Variants in ATRX observed in about 807,000 individuals in gnomAD.
ATRX encodes the protein chromatin remodeler ATRX.
Under a neutral mutation model 172.6 loss-of-function variants are expected in ATRX, and 12 were observed. That is an observed-to-expected ratio of 0.07 (90% CI 0.04 to 0.11). The LOEUF (loss-of-function observed/expected upper bound fraction) is 0.11, where lower values mean the gene tolerates loss of function less well. Among genes scored for constraint, ATRX ranks in the 10% least tolerant of loss-of-function variants. The pLI, the probability that ATRX is intolerant of heterozygous loss-of-function variation, is 1.00. For synonymous variants in ATRX, 674 were observed against 594.7 expected (o/e 1.13, Z -1.94); for missense variants, 1,368 against 1,767.4 (o/e 0.77, Z 4.05).
intron 15 of ATRX, among the ~76,000 whole-genome samples, chrX:77,646,264 T>C (rs146349071): frequency 1.4e-3 from 157 of 111,467 alleles, no homozygotes; most frequent in African/African-American, 5.0e-3. Context: ...AGTGAAAGAA[T>C]AGTAAAAGAC....
At chrX:77,706,055 T>C (rs1182230447) in intron 2 of ATRX, among the ~76,000 whole-genome samples, 1 of 109,542 alleles carries the variant, frequency 9.1e-6, no homozygotes, top group Non-Finnish European at 1.9e-5. Context: ...GGTACAATCA[T>C]GGCTCACTGC....
intron 1 of ATRX, among the ~76,000 whole-genome samples, chrX:77,741,586 C>T (rs1418185143): frequency 9.0e-6 from 1 of 111,122 alleles, no homozygotes; most frequent in Non-Finnish European, 1.9e-5. Flanking sequence ...CACAGCCTCT[C>T]AAGTAGCTGG....
chrX:77,634,220 C>T (rs1301559500), intron 17 of ATRX, among the ~76,000 whole-genome samples: 2 of 64,063 alleles, frequency 3.1e-5, no homozygotes, highest in Non-Finnish European at 5.6e-5. Context: ...CATCATAAAC[C>T]GTTAAAAGTT....
At chrX:77,692,854 T>A (rs868926155) in intron 6 of ATRX, among the ~76,000 whole-genome samples, 1 of 101,921 alleles carries the variant, frequency 9.8e-6, no homozygotes, top group Non-Finnish European at 2.0e-5. Context: ...AGAGTGTGTG[T>A]GTGTGTGTGT....
intron 27 of ATRX, among the ~76,000 whole-genome samples, chrX:77,581,091 G>A (rs782707072): frequency 1.8e-5 from 2 of 111,034 alleles, no homozygotes; most frequent in East Asian, 2.8e-4. Context: ...CAAAAAGGAA[G>A]AAACTAAACC....
chrX:77,713,063 C>T (rs929533654), intron 2 of ATRX, among the ~76,000 whole-genome samples: 4 of 110,333 alleles, frequency 3.6e-5, no homozygotes, highest in African/African-American at 1.3e-4. Flanking sequence ...GCAGGAGAAT[C>T]GCTTGAACCT....
intron 30 of ATRX, among the ~76,000 whole-genome samples, chrX:77,554,843 T>C (rs1450880041): frequency 8.9e-6 from 1 of 112,380 alleles, no homozygotes; most frequent in Non-Finnish European, 1.9e-5. Flanking sequence ...GATTATCAGC[T>C]CCTTCAGGTA....
chrX:77,556,366 GGA>G (rs1179867865), intron 30 of ATRX, among the ~76,000 whole-genome samples: 3 of 63,431 alleles, frequency 4.7e-5, no homozygotes, highest in Non-Finnish European at 9.0e-5. Flanking sequence ...AGAGGGAGAG[GGA>G]GAGAGGGGAA....
chrX:77,652,902 A>T (rs2069332090), intron 14 of ATRX, among the ~76,000 whole-genome samples: 1 of 109,812 alleles, frequency 9.1e-6, no homozygotes, highest in Admixed American at 9.8e-5. Flanking sequence ...TCAAAAGAAG[A>T]TATAAGCATA....
At chrX:77,599,357 A>G in intron 25 of ATRX, 54 bp downstream of exon 25, 2 of 1,182,011 alleles carry the variant, frequency 1.7e-6, no homozygotes, top group Non-Finnish European at 1.2e-6. Flanking sequence ...GACTAACGAC[A>G]TGACATTTTC....
rs2076387931 is a variant in ATRX, at chrX:77,777,217, AAAAAAAT to A, written c.20+8758_20+8764del. 5.0e-5 allele frequency among the ~76,000 whole-genome samples: 5 copies of A among 100,958 alleles called. No homozygotes were observed. In the South Asian group the frequency reaches 2.3e-3, roughly 47 times the overall value. The allele number at this position is 100,958 out of a possible 115,157, so 87.7% of individuals were successfully genotyped here. On this transcript the variant is annotated intron_variant, in intron 1 of 34. Coordinates refer to ENST00000373344, the MANE Select transcript of ATRX (RefSeq NM_000489.6). ...AAAAAAAAAAAAAAAAAAAAAAAAAAAAAAAATACAAAAATCAGCCAGGCGTGGTGGC... is the reference window on the plus strand; with the variant it reads ...AAAAAAAAAAAAAAAAAAAAAAAAAAACAAAAATCAGCCAGGCGTGGTGGC...
intron 27 of ATRX, among the ~76,000 whole-genome samples, chrX:77,586,166 GATAA>G (rs1215429365): frequency 4.5e-5 from 5 of 112,154 alleles, no homozygotes; most frequent in Middle Eastern, 4.6e-3. Flanking sequence ...TATCACAAAG[GATAA>G]ATGTTTGAGG....
intron 6 of ATRX, among the ~76,000 whole-genome samples, chrX:77,689,207 T>G (rs1422773327): frequency 8.9e-6 from 1 of 112,079 alleles, no homozygotes; most frequent in African/African-American, 3.2e-5. Flanking sequence ...CATAAAAAGT[T>G]CTAAAACTAG....
At chrX:77,645,862 A>T (rs782485445) in intron 15 of ATRX, among the ~76,000 whole-genome samples, 1 of 112,297 alleles carries the variant, frequency 8.9e-6, no homozygotes, top group African/African-American at 3.2e-5. Flanking sequence ...GAATTTTTGT[A>T]TGCAACTGAA....
chrX:77,599,106 G>C (rs1557085473), intron 25 of ATRX, among the ~76,000 whole-genome samples: 1 of 111,749 alleles, frequency 8.9e-6, no homozygotes, highest in African/African-American at 3.2e-5. Context: ...TACATTGCAA[G>C]CCTGCTCAAG....
intron 22 of ATRX, among the ~76,000 whole-genome samples, chrX:77,609,780 A>T (rs782780783): frequency 8.9e-6 from 1 of 111,970 alleles, no homozygotes; most frequent in Admixed American, 9.5e-5. Flanking sequence ...CCCGTCCAGG[A>T]GCTAAAATTT....
In ATRX at chrX:77,683,087, C is replaced by G. The variant is rs61752456; in HGVS notation, c.2169G>C (p.Glu723Asp). The change falls in exon 9 of 35, where the codon GAG (glutamate) becomes GAC (aspartate). Residue 723 changes from glutamate to aspartate, a missense_variant. Coordinates refer to ENST00000373344, the MANE Select transcript of ATRX (RefSeq NM_000489.6). ...CAGAATCTGAATTTTGATCCACAGTCTCTGATTGCTTAGATTTTGGCAATT... is the reference window on the plus strand; with the variant it reads ...CAGAATCTGAATTTTGATCCACAGTGTCTGATTGCTTAGATTTTGGCAATT... Reference protein sequence around the residue: ...PNKLPKSKQSETVDQNSDSDE... With the variant: ...PNKLPKSKQSDTVDQNSDSDE... The G allele has an allele frequency of 5.3e-4, 635 of 1,208,785 alleles. 2 individuals are homozygous for G. Among genetic ancestry groups the G allele is most frequent in the Non-Finnish European group, 6.6e-4 (592 of 894,576 alleles).
At position 77,682,963 on chromosome X, in the gene ATRX, A is replaced by G. The variant is rs2071326352; in HGVS notation, c.2293T>C (p.Tyr765His). Reference sequence around the variant, plus strand: ...TTCCCCGCCTGAGTCTTTAAATCATACAAAGTCTTATGGTTTGTATGAATT... The same window carrying G: ...TTCCCCGCCTGAGTCTTTAAATCATGCAAAGTCTTATGGTTTGTATGAATT... ...NEIHTNHKTL[Y>H]DLKTQAGKDD... Residue 765 changes from tyrosine to histidine, a missense_variant, in exon 9 of 35, where the codon TAT becomes CAT. This residue lies in a region of ATRX where 843 missense variants were observed against 643.1 expected (regional missense o/e 1.31). Transcript: ENST00000373344. The G allele has an allele frequency of 8.3e-7, 1 of 1,210,647 alleles. No individual in the cohort carries two copies.
intron 1 of ATRX, among the ~76,000 whole-genome samples, chrX:77,744,032 G>C (rs2074974234): frequency 8.9e-6 from 1 of 112,673 alleles, no homozygotes; most frequent in Non-Finnish European, 1.9e-5. Context: ...AAATCATACA[G>C]AGGCTGGGCA....
Sources: allele counts gnomAD v4.1 joint callset (sites outside exome capture counted in the v4.1 genomes callset), GRCh38; gene constraint gnomAD v4.1.1; regional missense constraint gnomAD v4.1.1; transcripts MANE v1.5; gene names NCBI Gene and HGNC (gene_info 2026-07-23, HGNC 2026-07-21).